Variants in TBC1D22A observed in about 807,000 individuals in gnomAD.
The protein encoded by TBC1D22A is TBC1 domain family member 22A, also known as putative GTPase activator.
TBC1D22A carries 38 observed loss-of-function variants against 60.2 expected under a neutral mutation model. The ratio of observed to expected loss-of-function variants is 0.63; its 90% CI spans 0.49 to 0.83. The LOEUF is 0.83. TBC1D22A is among the 40% of genes least tolerant of loss of function. The pLI, the probability that TBC1D22A is intolerant of heterozygous loss-of-function variation, is 0.00. For synonymous variants in TBC1D22A, 302 were observed against 281.7 expected, an observed-to-expected ratio of 1.07 and a Z score of -0.72; for missense variants, 628 against 701.0, an observed-to-expected ratio of 0.90 and a Z score of 1.18.
At chr22:47,043,229 A>C (rs1221706937) in intron 11 of TBC1D22A, among the ~76,000 whole-genome samples, 1 of 152,122 alleles carries the variant, frequency 6.6e-6, no homozygotes, top group Non-Finnish European at 1.5e-5. Context: ...GGGGGTCCTG[A>C]ATTGAGATCT....
chr22:46,958,251 A>G (rs1331876473), intron 8 of TBC1D22A, among the ~76,000 whole-genome samples: 1 of 152,202 alleles, frequency 6.6e-6, no homozygotes, highest in Non-Finnish European at 1.5e-5. Flanking sequence ...GATCAGGTCC[A>G]TTCAGTCCTC....
chr22:47,086,480 T>G (rs1014771891), intron 11 of TBC1D22A, among the ~76,000 whole-genome samples: 1 of 151,014 alleles, frequency 6.6e-6, no homozygotes, highest in East Asian at 1.9e-4. Context: ...ACAAACAAAC[T>G]AAAAACAAAC....
chr22:46,943,839 T>C (rs998131433), intron 8 of TBC1D22A, among the ~76,000 whole-genome samples: 1 of 152,260 alleles, frequency 6.6e-6, no homozygotes, highest in Non-Finnish European at 1.5e-5. Flanking sequence ...GCTTCTTTCA[T>C]TGACCGTAAT....
chr22:46,948,110 G>A (rs2072664145), intron 8 of TBC1D22A, among the ~76,000 whole-genome samples: 1 of 152,208 alleles, frequency 6.6e-6, no homozygotes, highest in South Asian at 2.1e-4. Flanking sequence ...GGTATTAGAG[G>A]CGAACAGGAG....
At chr22:47,173,167 C>T (rs2068555775) in intron 12 of TBC1D22A, among the ~76,000 whole-genome samples, 1 of 152,248 alleles carries the variant, frequency 6.6e-6, no homozygotes, top group South Asian at 2.1e-4. Context: ...CACGACATCT[C>T]AGATGCCGGA....
At position 46,993,706 on chromosome 22, in the gene TBC1D22A, C is replaced by T. The variant is rs190954699; in HGVS notation, c.1126-3928C>T. 3.7e-3 allele frequency among the ~76,000 whole-genome samples: 563 copies of T among 152,288 alleles called. 4 individuals carry two copies. The highest frequency in any genetic ancestry group is 6.8e-3 in the Middle Eastern group (2 of 292). Reference sequence around the variant, plus strand: ...CGGGCAGCTGCTGGGAGGGCCTGGGCGGTCAGTGCCTCCCTGGGACAGGCT... The same window carrying T: ...CGGGCAGCTGCTGGGAGGGCCTGGGTGGTCAGTGCCTCCCTGGGACAGGCT... On this transcript the variant is annotated intron_variant, in intron 9 of 12. Coordinates refer to ENST00000337137, the MANE Select transcript of TBC1D22A (RefSeq NM_014346.5).
intron 10 of TBC1D22A, among the ~76,000 whole-genome samples, chr22:47,010,338 C>T (rs1200577802): frequency 1.3e-5 from 2 of 151,438 alleles, no homozygotes; most frequent in Non-Finnish European, 2.9e-5. Flanking sequence ...TGGCTCCCTC[C>T]CCCTGGCTCT....
At chr22:46,875,799 A>T (rs527546154) in intron 4 of TBC1D22A, among the ~76,000 whole-genome samples, 2 of 152,284 alleles carry the variant, frequency 1.3e-5, no homozygotes, top group South Asian at 2.1e-4. Context: ...TCAAAATATC[A>T]CGCCCCCCAA....
chr22:47,056,831 G>A (rs1000214794), intron 11 of TBC1D22A, among the ~76,000 whole-genome samples: 3 of 152,192 alleles, frequency 2.0e-5, no homozygotes, highest in African/African-American at 7.2e-5. Context: ...TCTTCAGAGT[G>A]GGGTCACGGC....
At chr22:46,973,717 A>G (rs181097407) in intron 8 of TBC1D22A, among the ~76,000 whole-genome samples, 30 of 152,346 alleles carry the variant, frequency 2.0e-4, no homozygotes, top group African/African-American at 7.2e-4. Context: ...AAAAACTTTT[A>G]GATTGTGTTT....
chr22:47,158,936 T>G (rs1270879512), intron 12 of TBC1D22A, among the ~76,000 whole-genome samples: 1 of 151,480 alleles, frequency 6.6e-6, no homozygotes, highest in Non-Finnish European at 1.5e-5. Context: ...GCACTCACCA[T>G]GTACACACAC....
intron 12 of TBC1D22A, among the ~76,000 whole-genome samples, chr22:47,155,997 G>A (rs975463129): frequency 6.6e-5 from 10 of 152,184 alleles, no homozygotes; most frequent in Non-Finnish European, 1.5e-4. Context: ...GCCCAGCGTC[G>A]TGTTATGTGT....
At chr22:46,849,074 A>C (rs1294681170) in intron 4 of TBC1D22A, among the ~76,000 whole-genome samples, 2 of 152,022 alleles carry the variant, frequency 1.3e-5, no homozygotes, top group Non-Finnish European at 2.9e-5. Flanking sequence ...ACTTAACCCC[A>C]TCTGTCTGGA....
At chr22:46,864,023 G>A (rs146790586) in intron 4 of TBC1D22A, among the ~76,000 whole-genome samples, 227 of 152,280 alleles carry the variant, frequency 1.5e-3, no homozygotes, top group African/African-American at 5.3e-3. Flanking sequence ...GCCTCCTAGG[G>A]GTTCAGCACA....
intron 8 of TBC1D22A, chr22:46,915,468 G>C (rs1397075011): frequency 2.2e-6 from 1 of 456,676 alleles, no homozygotes; most frequent in Non-Finnish European, 4.4e-6. Flanking sequence ...CAGCGTTCAG[G>C]TTATCATGTG....
At chr22:46,842,067 C>T (rs923629468) in intron 4 of TBC1D22A, among the ~76,000 whole-genome samples, 1 of 152,144 alleles carries the variant, frequency 6.6e-6, no homozygotes, top group African/African-American at 2.4e-5. Context: ...TTGGCCCATC[C>T]AACATGAAAC....
At chr22:47,024,026 A>C (rs1212530192) in intron 10 of TBC1D22A, among the ~76,000 whole-genome samples, 1 of 152,258 alleles carries the variant, frequency 6.6e-6, no homozygotes, top group East Asian at 1.9e-4. Flanking sequence ...GGGTTTTCTA[A>C]CACATGCCGC....
At chr22:46,905,091 C>T (rs1394687563) in intron 7 of TBC1D22A, among the ~76,000 whole-genome samples, 1 of 152,228 alleles carries the variant, frequency 6.6e-6, no homozygotes, top group African/African-American at 2.4e-5. Context: ...TGTTTTAAAG[C>T]CTCTGTGGCT....
rs1178793541 is a variant in TBC1D22A at position 46,863,374 on chromosome 22, T to G, written c.638-15279T>G. Among the ~76,000 whole-genome samples the G allele has an allele frequency of 2.0e-5, 3 of 152,186 alleles. No individual in the cohort carries two copies. In the East Asian group the frequency reaches 5.8e-4, roughly 29 times the overall value. ...ATGCCAGTAGTAGATTCGGAATGTC[T>G]CTTCTGATCAAGTACTGTATTGGTG... is the stretch of plus-strand genomic sequence containing the variant. On this transcript the variant is annotated intron_variant, in intron 4 of 12. Transcript: ENST00000337137.
Sources: gnomAD v4.1 joint callset for allele counts (sites outside exome capture counted in the v4.1 genomes callset) on GRCh38, gnomAD v4.1.1 for gene constraint, MANE v1.5 for transcripts, NCBI Gene and HGNC (gene_info 2026-07-23, HGNC 2026-07-21) for gene names.